HPSE2: variants seen among roughly 807,000 people sequenced by gnomAD.
The protein encoded by HPSE2 is inactive heparanase-2.
In HPSE2, 38 loss-of-function variants were observed where a neutral mutation model predicts 60.5. The observed-to-expected ratio is 0.63, with a 90% CI of 0.48 to 0.82. HPSE2 has a LOEUF of 0.82. Ranked by LOEUF, HPSE2 falls within the 40% of genes least tolerant of loss-of-function variation. HPSE2 has a pLI of 0.00. For missense variants in HPSE2, 713 were observed against 740.4 expected (o/e 0.96, Z 0.43); for synonymous variants, 295 against 293.2 (o/e 1.01, Z -0.06).
chr10:98,532,233 A>G (rs955055776), intron 9 of HPSE2, among the ~76,000 whole-genome samples: 1 of 152,196 alleles, frequency 6.6e-6, no homozygotes, highest in Admixed American at 6.5e-5. Flanking sequence ...TATTTCTTCA[A>G]CACCTCTCCC....
At chr10:99,210,454 G>A (rs1052384283) in intron 2 of HPSE2, among the ~76,000 whole-genome samples, 13 of 152,118 alleles carry the variant, frequency 8.5e-5, no homozygotes, top group Admixed American at 6.5e-5. Context: ...AAAGCCAGAC[G>A]ATGATACTAC....
At chr10:98,747,241 A>ATGC (rs1949652071) in intron 3 of HPSE2, among the ~76,000 whole-genome samples, 1 of 152,190 alleles carries the variant, frequency 6.6e-6, no homozygotes, top group Non-Finnish European at 1.5e-5. Flanking sequence ...ATGCAATAAA[A>ATGC]TTACTTATTT....
At chr10:98,643,409 T>C (rs1285245381) in intron 6 of HPSE2, among the ~76,000 whole-genome samples, 2 of 152,202 alleles carry the variant, frequency 1.3e-5, no homozygotes, top group Non-Finnish European at 2.9e-5. Context: ...GACTGATTAA[T>C]TAAGTTATGT....
chr10:98,864,335 C>T (rs1055478103), intron 3 of HPSE2, among the ~76,000 whole-genome samples: 8 of 152,032 alleles, frequency 5.3e-5, no homozygotes, highest in African/African-American at 1.2e-4. Context: ...TACTATATAT[C>T]TATTTTATAC....
chr10:98,821,311 T>C (rs191585137), intron 3 of HPSE2, among the ~76,000 whole-genome samples: 35 of 152,336 alleles, frequency 2.3e-4, no homozygotes, highest in African/African-American at 8.2e-4. Flanking sequence ...AGTTATATGA[T>C]ATTGCCTACT....
intron 7 of HPSE2, among the ~76,000 whole-genome samples, chr10:98,639,631 G>A (rs1442598459): frequency 1.3e-5 from 2 of 152,232 alleles, no homozygotes; most frequent in Non-Finnish European, 2.9e-5. Context: ...AGTTTCTTGG[G>A]CCCTGGATAA....
chr10:98,967,794 TG>T (rs1955850285), intron 3 of HPSE2, among the ~76,000 whole-genome samples: 2 of 152,160 alleles, frequency 1.3e-5, no homozygotes, highest in South Asian at 4.1e-4. Flanking sequence ...TGCAGATAGA[TG>T]TAAGATTTTA....
At chr10:99,307,589 G>A in the HPSE2 span, among the ~76,000 whole-genome samples, 5 of 152,104 alleles carry the variant, frequency 3.3e-5, no homozygotes, top group Middle Eastern at 3.4e-3. Context: ...CTAGGCCTCT[G>A]CTCCAAAAAA....
chr10:99,011,853 AAAAGAAATT>A (rs1957025566), intron 3 of HPSE2, among the ~76,000 whole-genome samples: 1 of 151,688 alleles, frequency 6.6e-6, no homozygotes, highest in African/African-American at 2.4e-5. Context: ...ATCAATCTTT[AAAAGAAATT>A]CTTAAAAGCA....
intron 3 of HPSE2, among the ~76,000 whole-genome samples, chr10:98,867,309 C>T (rs1952613332): frequency 6.6e-6 from 1 of 150,992 alleles, no homozygotes; most frequent in Non-Finnish European, 1.5e-5. Context: ...AAAAAAAAAT[C>T]TAATAATCCA....
intron 3 of HPSE2, among the ~76,000 whole-genome samples, chr10:98,806,065 C>T (rs1338162702): frequency 6.6e-6 from 1 of 152,104 alleles, no homozygotes; most frequent in African/African-American, 2.4e-5. Context: ...GACTATTGTT[C>T]TCTGGTATAG....
chr10:98,503,366 AGTT>A (rs1942092356), intron 9 of HPSE2, among the ~76,000 whole-genome samples: 1 of 152,206 alleles, frequency 6.6e-6, no homozygotes, highest in Non-Finnish European at 1.5e-5. Context: ...AAAAAACAGT[AGTT>A]GTTGGTGTGG....
At chr10:98,839,929 A>C (rs1951872432) in intron 3 of HPSE2, among the ~76,000 whole-genome samples, 1 of 152,262 alleles carries the variant, frequency 6.6e-6, no homozygotes, top group African/African-American at 2.4e-5. Flanking sequence ...AAATGGGAGA[A>C]ACATTACATG....
chr10:98,887,715 G>A (rs1156547374), intron 3 of HPSE2, among the ~76,000 whole-genome samples: 2 of 151,890 alleles, frequency 1.3e-5, no homozygotes, highest in Non-Finnish European at 2.9e-5. Context: ...GCCTACCAAA[G>A]GAAAAATAAG....
intron 9 of HPSE2, among the ~76,000 whole-genome samples, chr10:98,514,878 C>T (rs987894468): frequency 6.6e-6 from 1 of 151,762 alleles, no homozygotes; most frequent in African/African-American, 2.4e-5. Flanking sequence ...ACCACCACAC[C>T]CGGCTATTTT....
intron 3 of HPSE2, among the ~76,000 whole-genome samples, chr10:98,776,144 C>T (rs1337210357): frequency 2.0e-5 from 3 of 151,960 alleles, no homozygotes; most frequent in African/African-American, 7.2e-5. Flanking sequence ...TTCTAAACAG[C>T]ATATCTGGCC....
At chr10:99,225,480 A>AAT (rs1849442616) in intron 2 of HPSE2, among the ~76,000 whole-genome samples, 1 of 152,142 alleles carries the variant, frequency 6.6e-6, no homozygotes, top group Non-Finnish European at 1.5e-5. Context: ...AAGAAGGAAG[A>AAT]ATAACATAAA....
intron 3 of HPSE2, among the ~76,000 whole-genome samples, chr10:98,870,651 G>A (rs776587072): frequency 1.1e-4 from 17 of 152,076 alleles, no homozygotes; most frequent in Non-Finnish European, 1.9e-4. Context: ...ACCCTGGCTC[G>A]GACAATTACA....
chr10:99,281,160 A>G, the HPSE2 span, among the ~76,000 whole-genome samples: 11,649 of 150,114 alleles, frequency 0.078, 604 homozygotes, highest in South Asian at 0.18. Flanking sequence ...TATTATTGTT[A>G]AACAATAACT....
Sources: allele counts gnomAD v4.1 joint callset (sites outside exome capture counted in the v4.1 genomes callset), GRCh38; gene constraint gnomAD v4.1.1; transcripts MANE v1.5; gene names NCBI Gene and HGNC (gene_info 2026-07-23, HGNC 2026-07-21).